The following ULK4 variants were observed in gnomAD, a reference collection of about 807,000 sequenced individuals.
The protein encoded by ULK4 is unc-51 like kinase 4, also known as inactive serine/threonine-protein kinase ULK4.
ULK4 carries 133 observed loss-of-function variants against 160.6 expected under a neutral mutation model. The observed-to-expected ratio is 0.83, with a 90% CI of 0.72 to 0.96. The LOEUF (loss-of-function observed/expected upper bound fraction) is 0.96. Among genes scored for constraint, ULK4 ranks in the 40% least tolerant of loss-of-function variants. The pLI, the probability that ULK4 is intolerant of heterozygous loss-of-function variation, is 0.00. For missense variants in ULK4, 1,580 were observed against 1,499.5 expected, an observed-to-expected ratio of 1.05 and a Z score of -0.89; for synonymous variants, 534 against 539.8, an observed-to-expected ratio of 0.99 and a Z score of 0.15.
intron 17 of ULK4, among the ~76,000 whole-genome samples, 192 bp downstream of exon 17, chr3:41,883,682 T>C (rs1328274792): frequency 1.3e-5 from 2 of 152,244 alleles, no homozygotes; most frequent in Non-Finnish European, 2.9e-5. Flanking sequence ...GCCATTTTAA[T>C]GATGGACTAC....
intron 17 of ULK4, among the ~76,000 whole-genome samples, chr3:41,853,834 GTA>G (rs1307925862): frequency 6.6e-6 from 1 of 152,118 alleles, no homozygotes; most frequent in Non-Finnish European, 1.5e-5. Flanking sequence ...GGGCCTAATT[GTA>G]ATGCACTTAA....
chr3:41,502,461 GA>G (rs2085244309), intron 32 of ULK4, among the ~76,000 whole-genome samples: 1 of 152,060 alleles, frequency 6.6e-6, no homozygotes, highest in Admixed American at 6.5e-5. Flanking sequence ...ATTTGCTCAA[GA>G]AAAATGAAAA....
chr3:41,436,745 C>G (rs1472699170), intron 34 of ULK4, among the ~76,000 whole-genome samples: 1 of 152,132 alleles, frequency 6.6e-6, no homozygotes, highest in African/African-American at 2.4e-5. Flanking sequence ...GAAGCAGACT[C>G]AAGGGCTGCT....
chr3:41,275,429 G>A (rs1254579498), intron 35 of ULK4, among the ~76,000 whole-genome samples: 1 of 152,258 alleles, frequency 6.6e-6, no homozygotes, highest in South Asian at 2.1e-4. Flanking sequence ...AAACCATTAA[G>A]TACACAGAAA....
chr3:41,961,277 C>G (rs1423831301), intron 1 of ULK4, among the ~76,000 whole-genome samples: 1 of 152,192 alleles, frequency 6.6e-6, no homozygotes, highest in Non-Finnish European at 1.5e-5. Flanking sequence ...GCACCAGAAG[C>G]ATGAGCATCA....
intron 34 of ULK4, among the ~76,000 whole-genome samples, chr3:41,449,036 G>C (rs2083367776): frequency 6.6e-6 from 1 of 152,038 alleles, no homozygotes; most frequent in South Asian, 2.1e-4. Context: ...TCCTGCCTCA[G>C]TCTCCCAAGT....
At position 41,681,656 on chromosome 3, in the gene ULK4, G is replaced by GA; in HGVS notation, c.2834-5dup. On this transcript the variant is annotated splice_polypyrimidine_tract_variant and splice_region_variant and intron_variant, in intron 28 of 36. Coordinates refer to ENST00000301831, the MANE Select transcript of ULK4 (RefSeq NM_017886.4). ...AAGCTAAAGAGTCTCCACTCCACTT[G>GA]AAAGAAAAAAAAAATGCCAAGAATG... is the stretch of plus-strand genomic sequence containing the variant. 1.2e-6 allele frequency: 2 copies of GA among 1,605,736 alleles called. No homozygotes were observed. Among genetic ancestry groups the GA allele is most frequent in the Non-Finnish European group, 1.7e-6 (2 of 1,177,508 alleles).
At chr3:41,469,774 A>G (rs1001023398) in intron 32 of ULK4, among the ~76,000 whole-genome samples, 1 of 144,906 alleles carries the variant, frequency 6.9e-6, no homozygotes, top group African/African-American at 2.8e-5. Flanking sequence ...AAAGGGTCAA[A>G]TTTTATAAAC....
intron 15 of ULK4, among the ~76,000 whole-genome samples, chr3:41,895,790 C>T (rs1034716874): frequency 2.2e-4 from 34 of 152,218 alleles, no homozygotes; most frequent in African/African-American, 8.2e-4. Flanking sequence ...TTTATATTCG[C>T]TAAATGACTG....
intron 17 of ULK4, 41 bp downstream of exon 17, chr3:41,883,832 AT>A (rs1559627752): frequency 6.7e-7 from 1 of 1,483,630 alleles, no homozygotes; most frequent in Non-Finnish European, 9.4e-7. Flanking sequence ...CAAGAACAGT[AT>A]TTCTTGACAT....
At chr3:41,481,548 C>A (rs1030406449) in intron 32 of ULK4, among the ~76,000 whole-genome samples, 2 of 152,110 alleles carry the variant, frequency 1.3e-5, no homozygotes, top group African/African-American at 4.8e-5. Flanking sequence ...GCATTCCTGG[C>A]CGGGCGCGGT....
intron 30 of ULK4, among the ~76,000 whole-genome samples, chr3:41,657,818 T>TAAAAAAAAAAAAAAAAAAAAAAAAAAAA (rs60281588): frequency 1.1e-4 from 11 of 99,722 alleles, no homozygotes; most frequent in East Asian, 2.4e-4. Flanking sequence ...TCCATCTCAT[T>TAAAAAAAAAAAAAAAAAAAAAAAAAAAA]AAAAAAAAAA....
chr3:41,698,428 G>A (rs1167340001), intron 27 of ULK4, among the ~76,000 whole-genome samples: 1 of 152,050 alleles, frequency 6.6e-6, no homozygotes, highest in Admixed American at 6.6e-5. Flanking sequence ...TGCCCAGCTT[G>A]AAACTTTTTG....
intron 22 of ULK4, among the ~76,000 whole-genome samples, chr3:41,752,871 C>A (rs2038678233): frequency 6.6e-6 from 1 of 152,110 alleles, no homozygotes; most frequent in Non-Finnish European, 1.5e-5. Context: ...ACCTGTATTA[C>A]AAAAGAAAAA....
intron 34 of ULK4, among the ~76,000 whole-genome samples, chr3:41,439,908 T>C (rs1467947130): frequency 6.6e-6 from 1 of 152,186 alleles, no homozygotes; most frequent in Non-Finnish European, 1.5e-5. Context: ...CTCTAAGCAA[T>C]GTTTTGTGGT....
chr3:41,525,403 C>T (rs117504641), intron 32 of ULK4, among the ~76,000 whole-genome samples: 48 of 152,306 alleles, frequency 3.2e-4, no homozygotes, highest in Non-Finnish European at 6.3e-4. Flanking sequence ...TCTTCCTGAT[C>T]GGCTCCCCAT....
chr3:41,291,092 A>C (rs2079552418), intron 35 of ULK4, among the ~76,000 whole-genome samples: 1 of 151,988 alleles, frequency 6.6e-6, no homozygotes, highest in Non-Finnish European at 1.5e-5. Flanking sequence ...TGATCCTTGC[A>C]AGTCCCGACT....
intron 32 of ULK4, among the ~76,000 whole-genome samples, chr3:41,490,194 A>G (rs1263573888): frequency 1.3e-5 from 2 of 152,012 alleles, no homozygotes; most frequent in East Asian, 1.9e-4. Flanking sequence ...TCTGCCTCTG[A>G]TCTCCATCAC....
At chr3:41,333,714 T>C (rs1460586641) in intron 35 of ULK4, among the ~76,000 whole-genome samples, 6 of 152,176 alleles carry the variant, frequency 3.9e-5, no homozygotes, top group African/African-American at 1.4e-4. Flanking sequence ...GTAGGATATA[T>C]AGACAGGGCT....
Sources: gnomAD v4.1 joint callset for allele counts (sites outside exome capture counted in the v4.1 genomes callset) on GRCh38, gnomAD v4.1.1 for gene constraint, MANE v1.5 for transcripts, NCBI Gene and HGNC (gene_info 2026-07-23, HGNC 2026-07-21) for gene names.